TRDN: variants seen among roughly 807,000 people sequenced by gnomAD.
The protein encoded by TRDN is triadin in skeletal muscle.
Under a neutral mutation model 149.7 loss-of-function variants are expected in TRDN, and 161 were observed. The observed-to-expected ratio is 1.08, with a 90% confidence interval of 0.95 to 1.23. The LOEUF (loss-of-function observed/expected upper bound fraction) is 1.23. Among genes scored for constraint, TRDN ranks in the 50% most tolerant of loss-of-function variants. TRDN has a pLI of 0.00. For synonymous variants in TRDN, 294 were observed against 250.5 expected, an observed-to-expected ratio of 1.17 and a Z score of -1.64; for missense variants, 896 against 823.5, an observed-to-expected ratio of 1.09 and a Z score of -1.08.
chr6:123,433,818 G>C (rs1774440331), intron 12 of TRDN: 1 of 152,026 alleles, frequency 6.6e-6, no homozygotes. Flanking sequence ...AAGAGCAATG[G>C]GTCATCTTAG....
chr6:123,594,721 A>T (rs920214093), intron 1 of TRDN, among the ~76,000 whole-genome samples: 1 of 150,734 alleles, frequency 6.6e-6, no homozygotes, highest in African/African-American at 2.4e-5. Context: ...TAGGATTAAT[A>T]AACAACTGAA....
At chr6:123,463,354 AAAT>A (rs1776584455) in intron 10 of TRDN, among the ~76,000 whole-genome samples, 1 of 142,758 alleles carries the variant, frequency 7.0e-6, no homozygotes, top group East Asian at 2.0e-4. Flanking sequence ...AAAAAAAAAT[AAAT>A]AATAAATAAA....
intron 19 of TRDN, among the ~76,000 whole-genome samples, chr6:123,367,013 A>G (rs1183477845): frequency 7.2e-5 from 11 of 152,176 alleles, no homozygotes; most frequent in Admixed American, 7.2e-4. Context: ...TTTCATTTGA[A>G]TGTTTCTTCA....
At chr6:123,348,573 T>C (rs1222334823) in intron 21 of TRDN, among the ~76,000 whole-genome samples, 3 of 151,742 alleles carry the variant, frequency 2.0e-5, no homozygotes, top group Non-Finnish European at 4.4e-5. Context: ...AAGAAGAAAA[T>C]AAATAAAAAG....
intron 9 of TRDN, among the ~76,000 whole-genome samples, chr6:123,493,403 A>T (rs1280886525): frequency 6.6e-6 from 1 of 152,172 alleles, no homozygotes; most frequent in African/African-American, 2.4e-5. Flanking sequence ...ATTAATCTTC[A>T]GGTTTATAGA....
chr6:123,306,117 A>G (rs1225429553), intron 24 of TRDN, among the ~76,000 whole-genome samples: 1 of 152,074 alleles, frequency 6.6e-6, no homozygotes, highest in African/African-American at 2.4e-5. Context: ...TGTAAAGCCA[A>G]CTCTTCCAAC....
Position 123,216,486 on chromosome 6 carries a change from A to T in TRDN, c.*2115T>A, listed in dbSNP as rs1325232045. The T allele has an allele frequency of 6.6e-6, 1 of 151,966 alleles. No homozygotes were observed. Among genetic ancestry groups the T allele is most frequent in the African/African-American group, 2.4e-5 (1 of 41,422 alleles). 9.4% of individuals were successfully genotyped at this position (151,966 alleles called of 1,614,324 possible). On this transcript the variant is annotated 3_prime_UTR_variant, in exon 41 of 41. Transcript: ENST00000334268. ...TTTTTACATTATAGCTGATTTGTCT[A>T]AATTCTAATTACAATAAAATATATC...
chr6:123,223,601 G>A (rs908585020), intron 39 of TRDN, among the ~76,000 whole-genome samples: 6 of 151,678 alleles, frequency 4.0e-5, no homozygotes, highest in Admixed American at 1.3e-4. Context: ...TCTGGAGATC[G>A]CAGGTTTTCC....
In TRDN at chr6:123,331,686, A is replaced by G. The variant is rs78119864; in HGVS notation, c.1471+193T>C. ...TTTGCAGTATTTCTGATGCAGCTAC[A>G]CTTTCCTTTTTTGTTTCATAGTACA... On this transcript the variant is annotated intron_variant, in intron 23 of 40. Coordinates refer to ENST00000334268, the MANE Select transcript of TRDN (RefSeq NM_006073.4). 8.0e-3 allele frequency among the ~76,000 whole-genome samples: 1,217 copies of G among 152,072 alleles called. 4 individuals carry two copies. The highest frequency in any genetic ancestry group is 0.011 in the Non-Finnish European group (772 of 67,920).
At chr6:123,244,802 C>A (rs1345493912) in intron 38 of TRDN, among the ~76,000 whole-genome samples, 1 of 152,042 alleles carries the variant, frequency 6.6e-6, no homozygotes, top group African/African-American at 2.4e-5. Context: ...ATCAGATTCA[C>A]CAAGGTTGAA....
chr6:123,255,284 A>G (rs979362528), intron 36 of TRDN, among the ~76,000 whole-genome samples, 159 bp from the exon 37 acceptor site: 6 of 152,148 alleles, frequency 3.9e-5, no homozygotes, highest in Non-Finnish European at 8.8e-5. Flanking sequence ...CCTAACAAAA[A>G]TAAATGTTAG....
At chr6:123,442,454 G>T (rs1323988917) in intron 10 of TRDN, 1 of 137,672 alleles carries the variant, frequency 7.3e-6, no homozygotes, top group African/African-American at 3.1e-5. Flanking sequence ...GCTGAGGCAG[G>T]AGAATGGCGT....
intron 1 of TRDN, among the ~76,000 whole-genome samples, chr6:123,627,072 G>A (rs1785712082): frequency 6.6e-6 from 1 of 151,922 alleles, no homozygotes; most frequent in African/African-American, 2.4e-5. Context: ...GGGATTACAG[G>A]TGCCTGCCAC....
chr6:123,447,090 A>G (rs926940890), intron 10 of TRDN, among the ~76,000 whole-genome samples: 12 of 152,098 alleles, frequency 7.9e-5, no homozygotes, highest in African/African-American at 2.9e-4. Context: ...CTGGCCTTTC[A>G]GGCTCTGAAT....
At chr6:123,614,289 A>AAAAACAAAAAC (rs1491270527) in intron 1 of TRDN, among the ~76,000 whole-genome samples, 2 of 120,610 alleles carry the variant, frequency 1.7e-5, no homozygotes, top group Admixed American at 7.8e-5. Context: ...GTGCTTCATT[A>AAAAACAAAAAC]AAAAAAAAAA....
intron 14 of TRDN, among the ~76,000 whole-genome samples, chr6:123,384,735 G>C (rs934509011): frequency 1.3e-5 from 2 of 152,086 alleles, no homozygotes; most frequent in African/African-American, 4.8e-5. Context: ...AACTCAAAAT[G>C]TCATGATAAA....
At chr6:123,533,234 T>C (rs745770559) in intron 4 of TRDN, among the ~76,000 whole-genome samples, 135 of 152,216 alleles carry the variant, frequency 8.9e-4, no homozygotes, top group Non-Finnish European at 1.5e-3. Flanking sequence ...TCATTTAGAA[T>C]AATATTTTTT....
chr6:123,532,337 A>G (rs1780289131), intron 4 of TRDN, among the ~76,000 whole-genome samples: 1 of 152,078 alleles, frequency 6.6e-6, no homozygotes, highest in Non-Finnish European at 1.5e-5. Context: ...ATTTTATCGA[A>G]TACTAACCTA....
Position 123,527,454 on chromosome 6 carries a change from T to C in TRDN, c.484+3052A>G, listed in dbSNP as rs576031848. ...GACCATGGGTATCCATTGTTGGATA[T>C]AGTTTTAAATATGATTATATTCCGC... is the stretch of plus-strand genomic sequence containing the variant. On this transcript the variant is annotated intron_variant, in intron 5 of 40. Coordinates refer to ENST00000334268, the MANE Select transcript of TRDN (RefSeq NM_006073.4). Among the ~76,000 whole-genome samples, 18 of 152,132 alleles carry C rather than the reference T, an allele frequency of 1.2e-4. No individual in the cohort carries two copies. The South Asian group carries it at 3.7e-3, about 32-fold the overall frequency.
Sources: allele counts gnomAD v4.1 joint callset (sites outside exome capture counted in the v4.1 genomes callset), GRCh38; gene constraint gnomAD v4.1.1; transcripts MANE v1.5; gene names NCBI Gene and HGNC (gene_info 2026-07-23, HGNC 2026-07-21).